TNFSF4: variants seen among roughly 807,000 people sequenced by gnomAD.
TNFSF4 encodes tumor necrosis factor ligand superfamily member 4.
A neutral mutation model predicts 7.3 loss-of-function variants in TNFSF4; 4 were observed. That is an observed-to-expected ratio of 0.55 (90% confidence interval 0.27 to 1.25). TNFSF4 has a LOEUF of 1.25. Among genes scored for constraint, TNFSF4 ranks in the 50% most tolerant of loss-of-function variants. TNFSF4 has a pLI of 0.12. For missense variants in TNFSF4, 181 were observed against 208.8 expected, an observed-to-expected ratio of 0.87 and a Z score of 0.82; for synonymous variants, 76 against 83.7, an observed-to-expected ratio of 0.91 and a Z score of 0.50.
chr1:173,438,118 C>T, the TNFSF4 span, among the ~76,000 whole-genome samples: 2,761 of 152,210 alleles, frequency 0.018, 75 homozygotes, highest in African/African-American at 0.064. Context: ...CCTAGTACTT[C>T]TATTTCTTTA....
At chr1:173,432,517 G>A in the TNFSF4 span, among the ~76,000 whole-genome samples, 1 of 152,212 alleles carries the variant, frequency 6.6e-6, no homozygotes, top group Non-Finnish European at 1.5e-5. Context: ...TGAGCACACA[G>A]TGAGAAGGTT....
At chr1:173,415,649 A>G in the TNFSF4 span, among the ~76,000 whole-genome samples, 3 of 152,246 alleles carry the variant, frequency 2.0e-5, no homozygotes, top group African/African-American at 7.2e-5. Context: ...CTGCGACGTT[A>G]GGCAAATCAG....
the TNFSF4 span, among the ~76,000 whole-genome samples, chr1:173,353,771 T>C: frequency 6.6e-6 from 1 of 152,196 alleles, no homozygotes; most frequent in South Asian, 2.1e-4. Context: ...CTTAAATCTG[T>C]GAAAAACATG....
At chr1:173,398,468 A>G in the TNFSF4 span, among the ~76,000 whole-genome samples, 1 of 129,228 alleles carries the variant, frequency 7.7e-6, no homozygotes, top group Non-Finnish European at 1.5e-5. Context: ...TCTGTCACCC[A>G]GGCTAGAGTA....
chr1:173,393,781 T>G, the TNFSF4 span, among the ~76,000 whole-genome samples: 1 of 152,234 alleles, frequency 6.6e-6, no homozygotes, highest in Non-Finnish European at 1.5e-5. Flanking sequence ...CAGTTCTTCC[T>G]GTGATCCACT....
At chr1:173,309,540 T>C in the TNFSF4 span, among the ~76,000 whole-genome samples, 1 of 151,960 alleles carries the variant, frequency 6.6e-6, no homozygotes, top group East Asian at 1.9e-4. Flanking sequence ...TAAACATAAC[T>C]TGATGGGGAT....
the TNFSF4 span, among the ~76,000 whole-genome samples, chr1:173,397,433 A>G: frequency 6.6e-6 from 1 of 152,174 alleles, no homozygotes; most frequent in Admixed American, 6.5e-5. Context: ...GGACTACTGG[A>G]CCCTGGCTCT....
chr1:173,243,243 A>C, the TNFSF4 span, among the ~76,000 whole-genome samples: 1 of 152,172 alleles, frequency 6.6e-6, no homozygotes, highest in Non-Finnish European at 1.5e-5. Flanking sequence ...CATCAATAAA[A>C]CTACTGATCC....
chr1:173,356,390 G>T, the TNFSF4 span, among the ~76,000 whole-genome samples: 2 of 152,342 alleles, frequency 1.3e-5, no homozygotes, highest in Non-Finnish European at 2.9e-5. Context: ...GGAGTTGAAA[G>T]CATCAGGTTA....
chr1:173,272,859 A>C, the TNFSF4 span, among the ~76,000 whole-genome samples: 17 of 152,242 alleles, frequency 1.1e-4, no homozygotes, highest in South Asian at 3.5e-3. Flanking sequence ...ACAGTGCTTC[A>C]AAGAAATGTC....
At chr1:173,422,059 C>T in the TNFSF4 span, among the ~76,000 whole-genome samples, 4 of 152,014 alleles carry the variant, frequency 2.6e-5, no homozygotes, top group African/African-American at 9.7e-5. Context: ...AACACCTCTC[C>T]CCCACAATGT....
At chr1:173,194,512 A>G (rs904529690) in intron 1 of TNFSF4, among the ~76,000 whole-genome samples, 1 of 152,182 alleles carries the variant, frequency 6.6e-6, no homozygotes, top group African/African-American at 2.4e-5. Flanking sequence ...GACAGAGAAG[A>G]GCTGGATGAG....
At chr1:173,340,163 C>T in the TNFSF4 span, among the ~76,000 whole-genome samples, 4 of 152,206 alleles carry the variant, frequency 2.6e-5, no homozygotes, top group East Asian at 5.8e-4. Context: ...TCTTTGGATT[C>T]GAACTGAAAC....
At chr1:173,366,105 A>G in the TNFSF4 span, among the ~76,000 whole-genome samples, 6 of 152,222 alleles carry the variant, frequency 3.9e-5, no homozygotes, top group Non-Finnish European at 8.8e-5. Context: ...GTACCATGTG[A>G]TCCAGGAATC....
intron 1 of TNFSF4, among the ~76,000 whole-genome samples, chr1:173,201,874 T>G (rs1193445460): frequency 6.6e-6 from 1 of 152,120 alleles, no homozygotes; most frequent in African/African-American, 2.4e-5. Context: ...TATGGAAACA[T>G]AAACCTTTCC....
At chr1:173,211,913 T>A (rs1200268801), upstream of TNFSF4, among the ~76,000 whole-genome samples, 1 of 152,200 alleles carries the variant, frequency 6.6e-6, no homozygotes, top group Non-Finnish European at 1.5e-5. Context: ...GTCTATTTTG[T>A]GTTGCTGTAA....
chr1:173,444,619 T>C, the TNFSF4 span, among the ~76,000 whole-genome samples: 1 of 152,142 alleles, frequency 6.6e-6, no homozygotes, highest in Non-Finnish European at 1.5e-5. Context: ...ACTGACTCTT[T>C]CAGGGAAAAG....
At chr1:173,202,672 G>A (rs759244605) in intron 1 of TNFSF4, among the ~76,000 whole-genome samples, 1 of 152,146 alleles carries the variant, frequency 6.6e-6, no homozygotes, top group Non-Finnish European at 1.5e-5. Context: ...TTCCTTTGGC[G>A]TAGGAGAGAA....
chr1:173,304,681 T>G, the TNFSF4 span, among the ~76,000 whole-genome samples: 1 of 151,966 alleles, frequency 6.6e-6, no homozygotes, highest in South Asian at 2.1e-4. Flanking sequence ...GCTGGAGGCC[T>G]CAAGCCCTCA....
Sources: gnomAD v4.1 joint callset for allele counts (sites outside exome capture counted in the v4.1 genomes callset) on GRCh38, gnomAD v4.1.1 for gene constraint, MANE v1.5 for transcripts, NCBI Gene and HGNC (gene_info 2026-07-23, HGNC 2026-07-21) for gene names.